The following NOMO3 variants were observed in gnomAD, a reference collection of about 807,000 sequenced individuals.
NOMO3 encodes the protein NODAL modulator 3, also known as BOS complex subunit NOMO3.
A neutral mutation model predicts 69.9 loss-of-function variants in NOMO3; 15 were observed. The ratio of observed to expected loss-of-function variants is 0.21; its 90% CI spans 0.14 to 0.33. The LOEUF (loss-of-function observed/expected upper bound fraction) is 0.33, where lower values mean the gene tolerates loss of function less well. NOMO3 is among the 10% of genes least tolerant of loss of function. NOMO3 has a pLI of 1.00. For missense variants in NOMO3, 218 were observed against 761.0 expected, an observed-to-expected ratio of 0.29 and a Z score of 8.39; for synonymous variants, 89 against 301.9, an observed-to-expected ratio of 0.29 and a Z score of 7.31.
At chr16:16,255,309 A>C (rs1311159106) in intron 9 of NOMO3, among the ~76,000 whole-genome samples, 1 of 140,686 alleles carries the variant, frequency 7.1e-6, no homozygotes, top group African/African-American at 3.0e-5. Flanking sequence ...GGACTGATCG[A>C]TGCTGGAGGA....
In NOMO3 at chr16:16,245,194, T is replaced by G. The variant is rs1020692926; in HGVS notation, c.509+20T>G. ...CGGAAAGTGAGTAGCGTCCTGTCTC[T>G]TAGTGTTGCCTTAGAGCCGGGCTCT... On this transcript the variant is annotated intron_variant, in intron 5 of 30. Transcript: ENST00000399336. The G allele has an allele frequency of 4.1e-6, 4 of 981,150 alleles. No individual in the cohort carries two copies. Among genetic ancestry groups the G allele is most frequent in the Non-Finnish European group, 5.8e-6 (4 of 684,482 alleles). The allele number at this position is 981,150 out of a possible 1,614,324, so 60.8% of individuals were successfully genotyped here.
At chr16:16,269,544 C>T (rs437994) in intron 16 of NOMO3, among the ~76,000 whole-genome samples, 2 of 138,336 alleles carry the variant, frequency 1.4e-5, no homozygotes, top group African/African-American at 6.2e-5. Context: ...GGCCAAAATA[C>T]TGGTTAATGA....
intron 11 of NOMO3, among the ~76,000 whole-genome samples, chr16:16,257,606 G>A (rs2049521445): frequency 1.4e-5 from 2 of 141,342 alleles, no homozygotes; most frequent in Non-Finnish European, 3.0e-5. Context: ...AGAATTAGAA[G>A]AACAGTAGGC....
In NOMO3 at chr16:16,263,176, C is replaced by T; in HGVS notation, c.1498C>T (p.Gln500Ter). Reference protein sequence around the residue: ...DRPVMDVAFVQFLASVSGKVS... With the variant: ...DRPVMDVAFV Reference sequence around the variant, plus strand: ...GCCTGTGATGGATGTGGCCTTTGTACAGTTCTTGGCATCAGTTTCTGGGAA... The same window carrying T: ...GCCTGTGATGGATGTGGCCTTTGTATAGTTCTTGGCATCAGTTTCTGGGAA... The change falls in exon 13 of 31, where the codon CAG becomes TAG. Residue 500 changes from glutamine (Q) to a stop codon, truncating the protein, a stop_gained. Coordinates refer to ENST00000399336, the MANE Select transcript of NOMO3 (RefSeq NM_001004067.4). LOFTEE classifies it high-confidence loss of function. The T allele has an allele frequency of 6.3e-7, 1 of 1,592,446 alleles. No individual in the cohort carries two copies. Among genetic ancestry groups the T allele is most frequent in the Non-Finnish European group, 8.5e-7 (1 of 1,176,456 alleles).
At chr16:16,271,812 CT>C (rs1262161181) in intron 18 of NOMO3, among the ~76,000 whole-genome samples, 5 of 72,536 alleles carry the variant, frequency 6.9e-5, no homozygotes, top group African/African-American at 9.9e-5. Flanking sequence ...GAAGGTCCCC[CT>C]ATTGGCCGAG....
intron 9 of NOMO3, among the ~76,000 whole-genome samples, chr16:16,253,441 G>A (rs755337610): frequency 0.062 from 7,557 of 121,028 alleles, 53 homozygotes; most frequent in Non-Finnish European, 0.083. Flanking sequence ...TGTGCTGAAG[G>A]GTTTGGGGCA....
At chr16:16,257,630 C>T (rs1338164313) in intron 11 of NOMO3, among the ~76,000 whole-genome samples, 1 of 141,628 alleles carries the variant, frequency 7.1e-6, no homozygotes, top group Non-Finnish European at 1.5e-5. Flanking sequence ...AAACAGAGTG[C>T]CAGGTGGCCC....
intron 15 of NOMO3, among the ~76,000 whole-genome samples, chr16:16,265,825 T>C (rs1334595192): frequency 7.4e-5 from 10 of 135,542 alleles, no homozygotes; most frequent in Non-Finnish European, 6.1e-5. Context: ...GGACTAGAGG[T>C]GCGTGCCGCC....
In NOMO3 at chr16:16,244,023, G is replaced by A. The variant is rs1432157302; in HGVS notation, c.402+762G>A. Among the ~76,000 whole-genome samples the A allele has an allele frequency of 4.2e-5, 6 of 143,722 alleles. 1 individual carries two copies. Among genetic ancestry groups the A allele is most frequent in the East Asian group, 2.2e-4 (1 of 4,456 alleles). 94.3% of individuals were successfully genotyped at this position (143,722 alleles called of 152,430 possible). A position where few individuals can be genotyped will look rare whatever the true frequency, so the allele number is the denominator to read the frequency against. ...TTCTGAGATTTTTTTGGACCGCCAC[G>A]GTGGTGTGAATTTAGAGTCCTAACG... On this transcript the variant is annotated intron_variant, in intron 4 of 30. Coordinates refer to ENST00000399336, the MANE Select transcript of NOMO3 (RefSeq NM_001004067.4).
At chr16:16,243,540 C>G (rs439108) in intron 4 of NOMO3, among the ~76,000 whole-genome samples, 28 of 142,878 alleles carry the variant, frequency 2.0e-4, no homozygotes, top group Admixed American at 3.4e-4. Flanking sequence ...ACAGGGTCTT[C>G]CTCTATTGCC....
intron 15 of NOMO3, among the ~76,000 whole-genome samples, chr16:16,265,668 ATATTTTTT>A (rs2049610770): frequency 2.0e-4 from 5 of 24,910 alleles, no homozygotes; most frequent in African/African-American, 8.2e-4. Context: ...ATATATATAT[ATATTTTTT>A]TTTTTTTTTT....
At chr16:16,269,429 ATTTTT>A in intron 16 of NOMO3, among the ~76,000 whole-genome samples, 1 of 111,476 alleles carries the variant, frequency 9.0e-6, no homozygotes, top group East Asian at 3.1e-4. Context: ...GAGAAACCTG[ATTTTT>A]TTTTTTTTTT....
At position 16,261,656 on chromosome 16, in the gene NOMO3, C is replaced by G; in HGVS notation, c.1375C>G (p.Pro459Ala). The G allele has an allele frequency of 6.3e-7, 1 of 1,585,428 alleles. No homozygotes were observed. The highest frequency in any genetic ancestry group is 1.1e-5 in the South Asian group (1 of 89,036). Reference protein sequence around the residue: ...AHGSFCFKANPGTYKVQVMVP... With the variant: ...AHGSFCFKANAGTYKVQVMVP... ...TGGATCATTTTGTTTTAAAGCAAAC[C>G]CAGGGACTTACAAAGTGCAGGTGCG... The change falls in exon 12 of 31, where the codon CCA (proline) becomes GCA (alanine). Residue 459 changes from proline to alanine, a missense_variant. By Grantham distance (27) the Pro-to-Ala change is conservative (BLOSUM62 -1). Transcript: ENST00000399336.
At chr16:16,261,868 C>CT (rs1265087705) in intron 12 of NOMO3, among the ~76,000 whole-genome samples, 192 bp downstream of exon 12, 1 of 92,230 alleles carries the variant, frequency 1.1e-5, no homozygotes, top group Non-Finnish European at 1.9e-5. Context: ...ATCTGCCTCT[C>CT]TTTTTTCCAG....
chr16:16,233,510 T>G (rs1160225805), intron 1 of NOMO3, among the ~76,000 whole-genome samples: 1 of 126,786 alleles, frequency 7.9e-6, no homozygotes, highest in African/African-American at 3.0e-5. Context: ...AGGTTTTTTT[T>G]TTTTTTTTTT....
chr16:16,265,816 G>A (rs1459674098), intron 15 of NOMO3, among the ~76,000 whole-genome samples: 1 of 134,624 alleles, frequency 7.4e-6, no homozygotes, highest in Non-Finnish European at 1.5e-5. Context: ...GAGTAGCTGG[G>A]ACTAGAGGTG....
chr16:16,237,304 C>A (rs1186483714), intron 2 of NOMO3, among the ~76,000 whole-genome samples: 1 of 144,184 alleles, frequency 6.9e-6, no homozygotes, highest in Non-Finnish European at 1.5e-5. Flanking sequence ...GTGCTGCCTA[C>A]GACAGCCCAG....
chr16:16,252,298 T>A (rs2049470226), intron 8 of NOMO3, 135 bp from the exon 9 acceptor site: 2 of 1,517,066 alleles, frequency 1.3e-6, no homozygotes, highest in Non-Finnish European at 1.8e-6. Flanking sequence ...TCTTTTCAAA[T>A]CTGCAACAGT....
At chr16:16,274,266 GA>G (rs1262120212) in intron 20 of NOMO3, among the ~76,000 whole-genome samples, 191 bp downstream of exon 20, 2 of 125,214 alleles carry the variant, frequency 1.6e-5, no homozygotes, top group Non-Finnish European at 3.4e-5. Flanking sequence ...GGGTTGGATG[GA>G]TGGATGGATG....
Sources: gnomAD v4.1 joint callset for allele counts (sites outside exome capture counted in the v4.1 genomes callset) on GRCh38, gnomAD v4.1.1 for gene constraint, MANE v1.5 for transcripts, NCBI Gene and HGNC (gene_info 2026-07-23, HGNC 2026-07-21) for gene names.